The following DPP10 variants were observed in gnomAD, a reference collection of about 807,000 sequenced individuals.
DPP10 encodes the protein dipeptidyl peptidase like 10.
Under a neutral mutation model 120.9 loss-of-function variants are expected in DPP10, and 33 were observed. The ratio of observed to expected loss-of-function variants is 0.27; its 90% CI spans 0.21 to 0.37. DPP10 has a LOEUF of 0.37. Among genes scored for constraint, DPP10 ranks in the 10% least tolerant of loss-of-function variants. The pLI is 1.00. For synonymous variants in DPP10, 337 were observed against 326.1 expected (o/e 1.03, Z -0.36); for missense variants, 816 against 942.8 (o/e 0.87, Z 1.76).
intron 1 of DPP10, among the ~76,000 whole-genome samples, chr2:115,127,018 G>A (rs2050115981): frequency 6.6e-6 from 1 of 152,138 alleles, no homozygotes; most frequent in African/African-American, 2.4e-5. Context: ...TAACACAAAT[G>A]TAAATATTGT....
chr2:115,080,423 T>C (rs17635169), intron 1 of DPP10, among the ~76,000 whole-genome samples: 44,157 of 152,078 alleles, frequency 0.29, 6,830 homozygotes, highest in South Asian at 0.38. Flanking sequence ...GGCTCATGAG[T>C]ACAGCTGGAA....
chr2:114,815,347 A>G (rs1685554268), intron 1 of DPP10, among the ~76,000 whole-genome samples: 1 of 152,180 alleles, frequency 6.6e-6, no homozygotes, highest in Non-Finnish European at 1.5e-5. Context: ...GCACTCATGT[A>G]CTAGGAAAGG....
chr2:115,379,875 C>G (rs975611730), intron 3 of DPP10, among the ~76,000 whole-genome samples: 3 of 152,160 alleles, frequency 2.0e-5, no homozygotes, highest in African/African-American at 7.2e-5. Context: ...GAGTGAGATT[C>G]TTAATCCTGA....
intron 1 of DPP10, among the ~76,000 whole-genome samples, chr2:115,232,893 G>C (rs1210706723): frequency 2.6e-5 from 4 of 152,112 alleles, no homozygotes; most frequent in South Asian, 2.1e-4. Flanking sequence ...ACTACCCCGA[G>C]ATGCAAGTAT....
chr2:115,608,413 A>G (rs2083855153), intron 5 of DPP10, among the ~76,000 whole-genome samples: 1 of 61,948 alleles, frequency 1.6e-5, no homozygotes, highest in Admixed American at 2.3e-4. Flanking sequence ...AATAACAATA[A>G]CAACAAAAAA....
intron 5 of DPP10, among the ~76,000 whole-genome samples, chr2:115,618,131 A>G (rs1043173538): frequency 1.3e-5 from 2 of 152,326 alleles, no homozygotes; most frequent in Non-Finnish European, 1.5e-5. Flanking sequence ...AACTGCGGAA[A>G]GCAAAACCAA....
At chr2:115,603,573 T>G (rs866316209) in intron 5 of DPP10, among the ~76,000 whole-genome samples, 4 of 64,564 alleles carry the variant, frequency 6.2e-5, no homozygotes, top group African/African-American at 1.4e-4. Context: ...TTTTTTTGTT[T>G]TTTTTTTTTT....
intron 1 of DPP10, among the ~76,000 whole-genome samples, chr2:115,106,768 T>TTCTCTG (rs2048964073): frequency 6.6e-6 from 1 of 152,010 alleles, no homozygotes; most frequent in Non-Finnish European, 1.5e-5. Flanking sequence ...GCCTGATGTG[T>TTCTCTG]ACTCTCTTAA....
chr2:115,301,246 G>A (rs1365138713), intron 1 of DPP10, among the ~76,000 whole-genome samples: 3 of 151,904 alleles, frequency 2.0e-5, no homozygotes, highest in Non-Finnish European at 4.4e-5. Flanking sequence ...GTTTCTGCAT[G>A]TCAGCATACT....
At chr2:114,442,979 G>A (rs1677741146) in intron 1 of DPP10, 141 bp downstream of exon 1, 5 of 1,043,706 alleles carry the variant, frequency 4.8e-6, no homozygotes, top group Middle Eastern at 4.1e-4. Context: ...TCACAATAAA[G>A]CATTTGGCTC....
intron 3 of DPP10, among the ~76,000 whole-genome samples, chr2:115,445,556 G>C (rs1167850324): frequency 6.6e-6 from 1 of 152,148 alleles, no homozygotes; most frequent in East Asian, 1.9e-4. Flanking sequence ...CTATGCTTTA[G>C]CAAAGATACT....
intron 3 of DPP10, among the ~76,000 whole-genome samples, chr2:115,358,525 A>C (rs920552764): frequency 6.6e-6 from 1 of 152,106 alleles, no homozygotes; most frequent in Non-Finnish European, 1.5e-5. Context: ...GTCTCTGGGA[A>C]GTTCCAAACT....
intron 1 of DPP10, among the ~76,000 whole-genome samples, chr2:115,228,438 A>C (rs927548679): frequency 6.6e-6 from 1 of 152,096 alleles, no homozygotes; most frequent in Non-Finnish European, 1.5e-5. Flanking sequence ...TTTGCTATCA[A>C]ATATAGATCT....
At chr2:114,480,406 C>G (rs1470666714) in intron 1 of DPP10, among the ~76,000 whole-genome samples, 1 of 152,024 alleles carries the variant, frequency 6.6e-6, no homozygotes, top group Admixed American at 6.6e-5. Flanking sequence ...CACATGCACA[C>G]GTATGTTTAT....
At chr2:115,447,198 G>A (rs890802154) in intron 3 of DPP10, among the ~76,000 whole-genome samples, 4 of 152,322 alleles carry the variant, frequency 2.6e-5, no homozygotes, top group Non-Finnish European at 4.4e-5. Flanking sequence ...TTTGGACTAG[G>A]ATGGGGGCCT....
intron 1 of DPP10, among the ~76,000 whole-genome samples, chr2:114,690,829 G>C (rs1435932366): frequency 6.6e-6 from 1 of 150,782 alleles, no homozygotes; most frequent in African/African-American, 2.4e-5. Flanking sequence ...TTTTGTAGCA[G>C]TTTTGAATGG....
intron 5 of DPP10, among the ~76,000 whole-genome samples, chr2:115,560,403 AATATATATATATATATATATATATAT>A (rs70941075): frequency 1.3e-3 from 24 of 17,856 alleles, no homozygotes; most frequent in East Asian, 2.6e-3. Context: ...AAAAAAAAAA[AATATATATATATATATATATATATAT>A]ATATATATAT....
chr2:114,645,954 G>A (rs1474045049), intron 1 of DPP10, among the ~76,000 whole-genome samples: 3 of 152,102 alleles, frequency 2.0e-5, no homozygotes, highest in Admixed American at 1.3e-4. Context: ...GAGGTCAGGA[G>A]TTTGAGACCA....
chr2:114,718,630 CCA>C (rs1314824394), intron 1 of DPP10, among the ~76,000 whole-genome samples: 1 of 152,038 alleles, frequency 6.6e-6, no homozygotes, highest in African/African-American at 2.4e-5. Flanking sequence ...GTAAACAGTG[CCA>C]CAGTTTCGTT....
Sources: gnomAD v4.1 joint callset for allele counts (sites outside exome capture counted in the v4.1 genomes callset) on GRCh38, gnomAD v4.1.1 for gene constraint, MANE v1.5 for transcripts, NCBI Gene and HGNC (gene_info 2026-07-23, HGNC 2026-07-21) for gene names.